The following TNS3 variants were observed in gnomAD, a reference collection of about 807,000 sequenced individuals.
The protein encoded by TNS3 is tensin 3, also known as tensin-3.
Under a neutral mutation model 140.9 loss-of-function variants are expected in TNS3, and 45 were observed. The ratio of observed to expected loss-of-function variants is 0.32; its 90% CI spans 0.25 to 0.41. The LOEUF is 0.41. TNS3 is among the 10% of genes least tolerant of loss of function. TNS3 has a pLI of 1.00. For missense variants in TNS3, 1,716 were observed against 1,906.7 expected (o/e 0.90, Z 1.86); for synonymous variants, 815 against 788.4 (o/e 1.03, Z -0.56).
chr7:47,290,836 T>G (rs1484636895), intron 27 of TNS3, among the ~76,000 whole-genome samples: 7 of 152,214 alleles, frequency 4.6e-5, no homozygotes, highest in Non-Finnish European at 7.3e-5. Context: ...CCTTGGTATC[T>G]ACGCACAGGA....
Position 47,368,489 on chromosome 7 carries a change from G to C in TNS3, c.2157C>G (p.His719Gln), listed in dbSNP as rs767882638. ...LDPTFEPIPT[H>Q]MNALGSQANG... ...TGGCCTGGCTACCGAGGGCGTTCAT[G>C]TGGGTAGGGATGGGCTCGAAGGTGG... The change falls in exon 17 of 31, where the codon CAC becomes CAG. Residue 719 changes from histidine (H) to glutamine (Q), a missense_variant. Transcript: ENST00000311160. 6.3e-7 allele frequency: 1 copy of C among 1,594,866 alleles called. No homozygotes were observed. Among genetic ancestry groups the C allele is most frequent in the Non-Finnish European group, 8.6e-7 (1 of 1,165,598 alleles).
intron 2 of TNS3, among the ~76,000 whole-genome samples, chr7:47,523,008 G>A (rs1288919317): frequency 1.3e-5 from 2 of 151,864 alleles, no homozygotes; most frequent in African/African-American, 4.8e-5. Context: ...CCTCCAGTTT[G>A]GGCTACTGTT....
rs1190725132 is a variant in TNS3 at position 47,326,136 on chromosome 7, A to G, written c.2650+18619T>C. ...TATATGACACATATCAACTTTTCAT[A>G]TAAAGAAAGTAAAATGGAAATCAGA... On this transcript the variant is annotated intron_variant, in intron 20 of 30. Coordinates refer to ENST00000311160, the MANE Select transcript of TNS3 (RefSeq NM_022748.12). Among the ~76,000 whole-genome samples the G allele has an allele frequency of 3.9e-5, 6 of 152,336 alleles. No homozygotes were observed. The East Asian group carries it at 1.2e-3, about 29-fold the overall frequency.
chr7:47,541,882 G>A (rs1799797857), intron 1 of TNS3, among the ~76,000 whole-genome samples: 1 of 151,640 alleles, frequency 6.6e-6, no homozygotes, highest in African/African-American at 2.4e-5. Context: ...CTGAGAGACG[G>A]AGCTTGCAGT....
chr7:47,365,855 C>T (rs2949816), intron 17 of TNS3, among the ~76,000 whole-genome samples: 76,584 of 152,044 alleles, frequency 0.5, 21,427 homozygotes, highest in Non-Finnish European at 0.65. Context: ...TTCGAAAATT[C>T]CAGGCCTTAT....
rs1794521052 is a variant in TNS3, at chr7:47,424,125, G to C, written c.449C>G (p.Ala150Gly). Reference protein sequence around the residue: ...MKKFYDDKVSALMQPSQKRYV... With the variant: ...MKKFYDDKVSGLMQPSQKRYV... ...CCGTTTTTGGGAAGGCTGCATTAAA[G>C]CTGAAACTTTGTCATCATAAAACTT... is the stretch of plus-strand genomic sequence containing the variant. Residue 150 changes from alanine (A) to glycine (G), a missense_variant, in exon 10 of 31, where the codon GCT becomes GGT. Physicochemically the swap from Ala to Gly is moderately conservative, Grantham distance 60. Transcript: ENST00000311160. 2 of 1,614,210 alleles carry C rather than the reference G, an allele frequency of 1.2e-6. No homozygotes were observed. Among genetic ancestry groups the C allele is most frequent in the African/African-American group, 2.7e-5 (2 of 75,054 alleles).
At chr7:47,458,321 G>C (rs1044304700) in intron 4 of TNS3, among the ~76,000 whole-genome samples, 7 of 152,216 alleles carry the variant, frequency 4.6e-5, no homozygotes, top group African/African-American at 1.7e-4. Context: ...AGCTTCACTA[G>C]CTGAGCACAG....
chr7:47,394,787 G>T (rs1203527219), intron 16 of TNS3, among the ~76,000 whole-genome samples: 8 of 152,212 alleles, frequency 5.3e-5, no homozygotes, highest in Admixed American at 5.2e-4. Flanking sequence ...ATCAACGTAG[G>T]TCCTTCACCA....
intron 12 of TNS3, among the ~76,000 whole-genome samples, chr7:47,412,979 G>A (rs968298478): frequency 6.6e-6 from 1 of 151,796 alleles, no homozygotes; most frequent in Non-Finnish European, 1.5e-5. Context: ...TTTTCAGACC[G>A]AGTCTCGCTC....
intron 20 of TNS3, among the ~76,000 whole-genome samples, chr7:47,316,138 CTCTCTCTCCATT>C (rs2150805979): frequency 7.6e-6 from 1 of 131,228 alleles, no homozygotes; most frequent in South Asian, 2.7e-4. Flanking sequence ...CTCTCTCTCT[CTCTCTCTCCATT>C]CTTTCCTCCC....
intron 16 of TNS3, among the ~76,000 whole-genome samples, chr7:47,379,395 G>C (rs1032182954): frequency 1.1e-4 from 16 of 152,128 alleles, no homozygotes; most frequent in Non-Finnish European, 2.1e-4. Flanking sequence ...TATTACAATA[G>C]AATTCTGACT....
At chr7:47,557,368 A>C (rs1409875725) in intron 1 of TNS3, among the ~76,000 whole-genome samples, 1 of 152,102 alleles carries the variant, frequency 6.6e-6, no homozygotes, top group East Asian at 1.9e-4. Flanking sequence ...TCACAAATGG[A>C]CCTTTCTGTC....
intron 1 of TNS3, among the ~76,000 whole-genome samples, chr7:47,548,741 C>A (rs958089072): frequency 6.6e-6 from 1 of 152,154 alleles, no homozygotes; most frequent in Non-Finnish European, 1.5e-5. Flanking sequence ...TGTCTGCCGG[C>A]TGATGGTCCT....
intron 17 of TNS3, among the ~76,000 whole-genome samples, chr7:47,353,052 G>A (rs192295087): frequency 6.6e-6 from 1 of 152,312 alleles, no homozygotes; most frequent in East Asian, 1.9e-4. Flanking sequence ...GCTAGCTCTG[G>A]TACGCTGCCT....
chr7:47,336,633 T>C (rs1788647021), intron 20 of TNS3, among the ~76,000 whole-genome samples: 1 of 152,224 alleles, frequency 6.6e-6, no homozygotes, highest in Non-Finnish European at 1.5e-5. Flanking sequence ...ACGGAAGCCT[T>C]ATGGCTAAAC....
rs1309735454 is a variant in TNS3, at chr7:47,506,963, G to A, written c.-152-19C>T. 1 of 1,283,920 alleles carries A rather than the reference G, an allele frequency of 7.8e-7. No individual in the cohort carries two copies. The highest frequency in any genetic ancestry group is 1.2e-5 in the South Asian group (1 of 80,656). The allele number at this position is 1,283,920 out of a possible 1,614,324, so 79.5% of individuals were successfully genotyped here. On this transcript the variant is annotated intron_variant, in intron 2 of 30. Transcript: ENST00000311160. ...TTGCAGGCTGGGAAAAAAAAAAAGA[G>A]AAAGAATGTGTGTCAAGCAGTCTCT... is the stretch of plus-strand genomic sequence containing the variant.
intron 20 of TNS3, among the ~76,000 whole-genome samples, chr7:47,321,813 TC>T (rs1787750821): frequency 6.6e-6 from 1 of 152,172 alleles, no homozygotes; most frequent in African/African-American, 2.4e-5. Flanking sequence ...TACATTGTTT[TC>T]TTCCCCCAAA....
At chr7:47,522,098 T>C (rs1002344571) in intron 2 of TNS3, among the ~76,000 whole-genome samples, 1 of 152,198 alleles carries the variant, frequency 6.6e-6, no homozygotes, top group African/African-American at 2.4e-5. Context: ...TCAGTGGATC[T>C]GGGTCCCAGG....
intron 4 of TNS3, among the ~76,000 whole-genome samples, chr7:47,480,850 G>A (rs1797388826): frequency 6.6e-6 from 1 of 152,230 alleles, no homozygotes; most frequent in East Asian, 1.9e-4. Context: ...CGCCCCGAAG[G>A]TAACTATTAC....
Sources: allele counts gnomAD v4.1 joint callset (sites outside exome capture counted in the v4.1 genomes callset), GRCh38; gene constraint gnomAD v4.1.1; transcripts MANE v1.5; gene names NCBI Gene and HGNC (gene_info 2026-07-23, HGNC 2026-07-21).